COQ7: variants seen among roughly 807,000 people sequenced by gnomAD.
COQ7 encodes the protein coenzyme Q7, hydroxylase.
In COQ7, 21 loss-of-function variants were observed where a neutral mutation model predicts 25.0. The observed-to-expected ratio is 0.84, with a 90% CI of 0.60 to 1.21. COQ7 has a LOEUF of 1.21. Among genes scored for constraint, COQ7 ranks in the 50% most tolerant of loss-of-function variants. The probability of loss-of-function intolerance (pLI) is 0.00; values close to 1 mark genes in which losing one functional copy is unlikely to be tolerated. For missense variants in COQ7, 311 were observed against 296.2 expected (o/e 1.05, Z -0.37); for synonymous variants, 125 against 112.4 (o/e 1.11, Z -0.71).
At chr16:19,076,366 A>T (rs1352025113) in intron 4 of COQ7, among the ~76,000 whole-genome samples, 1 of 150,552 alleles carries the variant, frequency 6.6e-6, no homozygotes, top group Non-Finnish European at 1.5e-5. Context: ...AAGTGCTAGA[A>T]TTATAGGCAT....
At chr16:19,069,874 A>G (rs1034946143) in intron 1 of COQ7, among the ~76,000 whole-genome samples, 4 of 151,226 alleles carry the variant, frequency 2.6e-5, no homozygotes, top group Admixed American at 6.6e-5. Context: ...GCCTTTGCCT[A>G]CTGGGTTCAA....
Position 19,078,690 on chromosome 16 carries a change from G to A in COQ7, c.*532G>A, listed in dbSNP as rs1258679330. Reference sequence around the variant, plus strand: ...CTGGTCTCTAACTCCTGGGCTCAGTGATCCTCCCGTTTCGACTTCCCAAAG... The same window carrying A: ...CTGGTCTCTAACTCCTGGGCTCAGTAATCCTCCCGTTTCGACTTCCCAAAG... On this transcript the variant is annotated 3_prime_UTR_variant, in exon 6 of 6. Transcript: ENST00000321998. The A allele has an allele frequency of 6.6e-6, 1 of 152,006 alleles. No homozygotes were observed. The highest frequency in any genetic ancestry group is 1.5e-5 in the Non-Finnish European group (1 of 68,026). The allele number at this position is 152,006 out of a possible 1,614,324, so 9.4% of individuals were successfully genotyped here.
At position 19,077,383 on chromosome 16, in the gene COQ7, C is replaced by T. The variant is rs1281270287; in HGVS notation, c.576+9C>T. ...ACCATGATGCAGAATTGGTAGGGCC[C>T]TACTGTTACCTGTTCTGCTTTGGGA... is the stretch of plus-strand genomic sequence containing the variant. On this transcript the variant is annotated intron_variant, in intron 5 of 5. Coordinates refer to ENST00000321998, the MANE Select transcript of COQ7 (RefSeq NM_016138.5). 1.2e-6 allele frequency: 2 copies of T among 1,612,590 alleles called. No individual in the cohort carries two copies. Among genetic ancestry groups the T allele is most frequent in the Non-Finnish European group, 1.7e-6 (2 of 1,178,834 alleles).
intron 1 of COQ7, among the ~76,000 whole-genome samples, chr16:19,069,325 A>G (rs950745564): frequency 2.0e-5 from 3 of 151,702 alleles, no homozygotes; most frequent in African/African-American, 7.3e-5. Flanking sequence ...TTTGCTTCTT[A>G]TATCTTATTT....
chr16:19,075,199 A>AT (rs71143834), intron 3 of COQ7, among the ~76,000 whole-genome samples: 1,561 of 89,286 alleles, frequency 0.017, 35 homozygotes, highest in African/African-American at 0.057. Flanking sequence ...ACCTAGGGAC[A>AT]TTTTTTTTTT....
At chr16:19,068,100 C>T (rs959140511) in intron 1 of COQ7, 1 of 1,097,792 alleles carries the variant, frequency 9.1e-7, no homozygotes, top group Non-Finnish European at 1.1e-6. Flanking sequence ...TGCCCAGGGC[C>T]TTGCCAGGCA....
downstream of COQ7, among the ~76,000 whole-genome samples, chr16:19,080,976 C>T (rs1056578455): frequency 1.3e-5 from 2 of 152,118 alleles, no homozygotes; most frequent in African/African-American, 4.8e-5. Flanking sequence ...AAAGGAAAAA[C>T]ATTCAGGACT....
chr16:19,075,940 G>C (rs1962816316), intron 4 of COQ7, 80 bp downstream of exon 4: 2 of 1,580,808 alleles, frequency 1.3e-6, no homozygotes, highest in African/African-American at 2.7e-5. Flanking sequence ...AAACATGTTA[G>C]AGATTGTTAG....
intron 2 of COQ7, 111 bp downstream of exon 2, chr16:19,072,217 T>C (rs993037280): frequency 1.5e-6 from 2 of 1,338,670 alleles, no homozygotes; most frequent in Non-Finnish European, 2.1e-6. Flanking sequence ...TGCCATTGTC[T>C]CCAGGAGAGC....
chr16:19,081,672 T>A (rs1408293470), downstream of COQ7, among the ~76,000 whole-genome samples: 1 of 152,238 alleles, frequency 6.6e-6, no homozygotes, highest in Non-Finnish European at 1.5e-5. Flanking sequence ...ATTCTTGCTG[T>A]ACTTTATGCA....
At chr16:19,075,638 G>A in intron 3 of COQ7, 83 bp from the exon 4 acceptor site, 1 of 1,463,880 alleles carries the variant, frequency 6.8e-7, no homozygotes, top group Non-Finnish European at 9.2e-7. Flanking sequence ...TGGTGCAGAG[G>A]TTAAGAAGCC....
chr16:19,075,903 A>G lies in COQ7; in HGVS notation c.507+43A>G, dbSNP rs1216886343. ...AGAACGGGGCTGCTCAAGGAGGAAA[A>G]TGGCAGATAGCAATTGGGTAAGAGG... On this transcript the variant is annotated intron_variant, in intron 4 of 5. Transcript: ENST00000321998. The G allele has an allele frequency of 3.7e-6, 6 of 1,613,060 alleles. No individual in the cohort carries two copies. In the African/African-American group the frequency reaches 6.7e-5, roughly 18 times the overall value.
rs184460952 is a variant in COQ7, at chr16:19,072,736, C to T, written c.252+630C>T. ...TGCTTCAGTTTGTTGTGTATACTGG[C>T]GCAGTCATAGTGTGTCCTTCACAGG... is the stretch of plus-strand genomic sequence containing the variant. On this transcript the variant is annotated intron_variant, in intron 2 of 5. Transcript: ENST00000321998. Among the ~76,000 whole-genome samples, 13 of 152,306 alleles carry T rather than the reference C, an allele frequency of 8.5e-5. No homozygotes were observed. In the East Asian group the frequency reaches 2.3e-3, roughly 27 times the overall value.
chr16:19,068,941 C>T, intron 1 of COQ7: 1 of 426,498 alleles, frequency 2.3e-6, no homozygotes, highest in Non-Finnish European at 4.7e-6. Context: ...TAAATACTGT[C>T]TTTCTGTTAC....
chr16:19,068,402 A>C, intron 1 of COQ7: 2 of 989,438 alleles, frequency 2.0e-6, no homozygotes, highest in Non-Finnish European at 2.4e-6. Context: ...CTATAATCTC[A>C]GCACTTTGGG....
At position 19,072,111 on chromosome 16, in the gene COQ7, G is replaced by A; in HGVS notation, c.252+5G>A. ...AGCGTCGGGCCAGTCATTCAGGTGG[G>A]TGCTTCTTCATCTCCCTCACCCTGG... On this transcript the variant is annotated splice_donor_5th_base_variant and intron_variant, in intron 2 of 5. Coordinates refer to ENST00000321998, the MANE Select transcript of COQ7 (RefSeq NM_016138.5). 9 of 1,614,058 alleles carry A rather than the reference G, an allele frequency of 5.6e-6. No homozygotes were observed. Among genetic ancestry groups the A allele is most frequent in the Non-Finnish European group, 7.6e-6 (9 of 1,179,972 alleles).
Position 19,075,833 on chromosome 16 carries a change from C to T in COQ7, c.480C>T (p.Asp160=), listed in dbSNP as rs1596831434. Reference sequence around the variant, plus strand: ...AGATCAGGACGCTGATGGAGGAGGACCCTGAAAAATACGAGGAACTTCTTC... The same window carrying T: ...AGATCAGGACGCTGATGGAGGAGGATCCTGAAAAATACGAGGAACTTCTTC... ...NNQIRTLMEE[D]PEKYEELLQL... The change falls in exon 4 of 6, where the codon GAC becomes GAT. Residue 160 remains aspartate, a synonymous_variant. Coordinates refer to ENST00000321998, the MANE Select transcript of COQ7 (RefSeq NM_016138.5). 1 of 1,614,168 alleles carries T rather than the reference C, an allele frequency of 6.2e-7. No homozygotes were observed. The highest frequency in any genetic ancestry group is 2.2e-5 in the East Asian group (1 of 44,878).
chr16:19,080,748 T>C (rs148595662), downstream of COQ7, among the ~76,000 whole-genome samples: 62 of 152,284 alleles, frequency 4.1e-4, no homozygotes, highest in South Asian at 4.3e-3. Flanking sequence ...ATATCAATTA[T>C]AATTAGGGTT....
intron 4 of COQ7, among the ~76,000 whole-genome samples, chr16:19,076,228 A>G (rs774599216): frequency 2.0e-5 from 3 of 150,550 alleles, no homozygotes; most frequent in Non-Finnish European, 4.4e-5. Context: ...CTATGGGACT[A>G]CATACATAGC....
Sources: allele counts gnomAD v4.1 joint callset (sites outside exome capture counted in the v4.1 genomes callset), GRCh38; gene constraint gnomAD v4.1.1; transcripts MANE v1.5; gene names NCBI Gene and HGNC (gene_info 2026-07-23, HGNC 2026-07-21).